SVOP: variants seen among roughly 807,000 people sequenced by gnomAD.
SVOP encodes synaptic vesicle 2-related protein.
Under a neutral mutation model 69.1 loss-of-function variants are expected in SVOP, and 17 were observed. The ratio of observed to expected loss-of-function variants is 0.25; its 90% confidence interval spans 0.17 to 0.37. The LOEUF is 0.37. Ranked by LOEUF, SVOP falls within the 10% of genes least tolerant of loss-of-function variation. The pLI, the probability that SVOP is intolerant of heterozygous loss-of-function variation, is 1.00. For synonymous variants in SVOP, 238 were observed against 238.6 expected, an observed-to-expected ratio of 1.00 and a Z score of 0.02; for missense variants, 435 against 597.5, an observed-to-expected ratio of 0.73 and a Z score of 2.84.
At chr12:108,966,863 G>A (rs2040048606) in intron 5 of SVOP, among the ~76,000 whole-genome samples, 1 of 152,192 alleles carries the variant, frequency 6.6e-6, no homozygotes, top group Admixed American at 6.5e-5. Context: ...CAGGGTTAAG[G>A]ATGTGGACCC....
At chr12:109,002,992 AATAAAT>A (rs1360107603) in intron 1 of SVOP, among the ~76,000 whole-genome samples, 33 of 91,974 alleles carry the variant, frequency 3.6e-4, no homozygotes, top group African/African-American at 1.0e-3. Context: ...TAAATAAATA[AATAAAT>A]AAATAAAAAT....
At chr12:108,966,467 G>A (rs944394352) in intron 5 of SVOP, among the ~76,000 whole-genome samples, 1 of 151,976 alleles carries the variant, frequency 6.6e-6, no homozygotes, top group African/African-American at 2.4e-5. Context: ...TGCGGTGAAC[G>A]CCCCGGCAGG....
rs188037896 is a variant in SVOP, at chr12:108,993,666, T to C, written c.36-9905A>G. 4.8e-4 allele frequency among the ~76,000 whole-genome samples: 73 copies of C among 152,244 alleles called. 1 individual carries two copies. Among genetic ancestry groups the C allele is most frequent in the African/African-American group, 1.6e-3 (68 of 41,546 alleles). On this transcript the variant is annotated intron_variant, in intron 1 of 15. Coordinates refer to ENST00000610966, the MANE Select transcript of SVOP (RefSeq NM_018711.5). Reference sequence around the variant, plus strand: ...TGCAAATAAAATAAACTGGGTGCTGTGAAAGGCTTATGGTGGGGGTGACAT... The same window carrying C: ...TGCAAATAAAATAAACTGGGTGCTGCGAAAGGCTTATGGTGGGGGTGACAT...
intron 15 of SVOP, among the ~76,000 whole-genome samples, chr12:108,914,890 T>G (rs918496406): frequency 2.6e-5 from 4 of 151,402 alleles, no homozygotes; most frequent in South Asian, 2.1e-4. Flanking sequence ...AAAAAAATTT[T>G]TTTGGCCAGG....
Position 108,922,752 on chromosome 12 carries a change from C to A in SVOP, c.1094G>T (p.Cys365Phe). 1 of 1,611,762 alleles carries A rather than the reference C, an allele frequency of 6.2e-7. No homozygotes were observed. The highest frequency in any genetic ancestry group is 8.5e-7 in the Non-Finnish European group (1 of 1,179,200). ...GTAATCCTCCTCACTCAGGTACTCG[C>A]AGGCCAGGCTGCATTTTGCCTCTAC... ...KAVEAKCSLA[C>F]EYLSEEDYMD... The change falls in exon 12 of 16, where the codon TGC becomes TTC. Residue 365 changes from cysteine to phenylalanine, a missense_variant. Transcript: ENST00000610966.
chr12:108,909,788 C>T lies in SVOP; in HGVS notation c.*2747G>A, dbSNP rs544335250. Reference sequence around the variant, plus strand: ...AAGAGAAACATGGCATTTCCATTAACGAAAATAGGAGCTTTTTGAATAGGA... The same window carrying T: ...AAGAGAAACATGGCATTTCCATTAATGAAAATAGGAGCTTTTTGAATAGGA... On this transcript the variant is annotated 3_prime_UTR_variant, in exon 16 of 16. Coordinates refer to ENST00000610966, the MANE Select transcript of SVOP (RefSeq NM_018711.5). The T allele has an allele frequency of 1.1e-4, 16 of 152,172 alleles. No homozygotes were observed. In the East Asian group the frequency reaches 2.9e-3, roughly 28 times the overall value. The allele number at this position is 152,172 out of a possible 1,614,324, so 9.4% of individuals were successfully genotyped here.
At chr12:108,957,368 C>T (rs549699524) in intron 6 of SVOP, among the ~76,000 whole-genome samples, 13 of 151,998 alleles carry the variant, frequency 8.6e-5, no homozygotes, top group South Asian at 2.1e-4. Flanking sequence ...TTCACTGTGT[C>T]GGCCAGGATG....
intron 10 of SVOP, among the ~76,000 whole-genome samples, chr12:108,934,835 C>T (rs955047256): frequency 6.6e-6 from 1 of 152,316 alleles, no homozygotes; most frequent in African/African-American, 2.4e-5. Context: ...ATGAATAATC[C>T]ACCTCTTGTT....
At chr12:108,955,711 T>C (rs550396223) in intron 6 of SVOP, among the ~76,000 whole-genome samples, 4 of 152,354 alleles carry the variant, frequency 2.6e-5, no homozygotes, top group South Asian at 2.1e-4. Flanking sequence ...TCATCCATCA[T>C]ACATCACAAT....
At chr12:108,973,757 T>C (rs1438137890) in intron 4 of SVOP, among the ~76,000 whole-genome samples, 10 of 152,142 alleles carry the variant, frequency 6.6e-5, no homozygotes, top group African/African-American at 2.4e-4. Context: ...ACAGATTCTT[T>C]CTCAAGAACG....
At chr12:108,959,440 G>A (rs1403707714) in intron 6 of SVOP, among the ~76,000 whole-genome samples, 2 of 145,844 alleles carry the variant, frequency 1.4e-5, no homozygotes, top group Admixed American at 7.2e-5. Flanking sequence ...TGCAACCTCT[G>A]CCTCCCAGGT....
chr12:108,997,307 C>G (rs535171750), intron 1 of SVOP, among the ~76,000 whole-genome samples: 2 of 152,096 alleles, frequency 1.3e-5, no homozygotes, highest in African/African-American at 4.8e-5. Flanking sequence ...CTCGGAGGGT[C>G]CTACGCCCAC....
chr12:108,951,697 CAGG>C (rs967423610), intron 6 of SVOP, among the ~76,000 whole-genome samples: 1 of 152,190 alleles, frequency 6.6e-6, no homozygotes, highest in Non-Finnish European at 1.5e-5. Flanking sequence ...AATGATTTAA[CAGG>C]ACCTTCTGAC....
intron 6 of SVOP, among the ~76,000 whole-genome samples, chr12:108,957,523 A>G (rs1215726903): frequency 1.3e-5 from 2 of 152,298 alleles, no homozygotes; most frequent in East Asian, 3.9e-4. Flanking sequence ...GTGTCAAGAA[A>G]TGAACAGGCA....
chr12:108,941,807 G>T (rs932930910), intron 7 of SVOP, among the ~76,000 whole-genome samples: 2 of 151,390 alleles, frequency 1.3e-5, no homozygotes, highest in Admixed American at 1.3e-4. Flanking sequence ...GATTACAGGC[G>T]CCCCCCTCAA....
chr12:109,019,223 A>G (rs921788778), intron 1 of SVOP, among the ~76,000 whole-genome samples: 6 of 152,178 alleles, frequency 3.9e-5, no homozygotes, highest in Non-Finnish European at 7.3e-5. Flanking sequence ...TTATTGGTAC[A>G]TTGTATTATA....
At chr12:108,971,425 T>C (rs1379226182) in intron 5 of SVOP, among the ~76,000 whole-genome samples, 1 of 61,512 alleles carries the variant, frequency 1.6e-5, no homozygotes, top group Non-Finnish European at 3.2e-5. Context: ...CAAGACTCCG[T>C]CTCAAAAAAA....
intron 4 of SVOP, among the ~76,000 whole-genome samples, 156 bp from the exon 5 acceptor site, chr12:108,972,632 G>A (rs187414266): frequency 6.6e-6 from 1 of 152,230 alleles, no homozygotes; most frequent in African/African-American, 2.4e-5. Flanking sequence ...AGTGCTTCCC[G>A]CAAGCTTCCC....
chr12:108,977,334 T>A, intron 4 of SVOP, 64 bp downstream of exon 4: 1 of 1,507,520 alleles, frequency 6.6e-7, no homozygotes, highest in Non-Finnish European at 8.9e-7. Flanking sequence ...AAGGGAGATA[T>A]CCCACAGGAC....
Sources: allele counts gnomAD v4.1 joint callset (sites outside exome capture counted in the v4.1 genomes callset), GRCh38; gene constraint gnomAD v4.1.1; transcripts MANE v1.5; gene names NCBI Gene and HGNC (gene_info 2026-07-23, HGNC 2026-07-21).